The following EFCAB6 variants were observed in gnomAD, a reference collection of about 807,000 sequenced individuals.
EFCAB6 encodes the protein EF-hand calcium binding domain 6, also known as EF-hand calcium-binding domain-containing protein 6.
In EFCAB6, 156 loss-of-function variants were observed where a neutral mutation model predicts 169.8. The ratio of observed to expected loss-of-function variants is 0.92; its 90% CI spans 0.81 to 1.05. EFCAB6 has a LOEUF of 1.05. Ranked by LOEUF, EFCAB6 falls within the 50% of genes least tolerant of loss-of-function variation. The probability of loss-of-function intolerance (pLI) is 0.00; values close to 1 mark genes in which losing one functional copy is unlikely to be tolerated. For missense variants in EFCAB6, 1,800 were observed against 1,829.1 expected, an observed-to-expected ratio of 0.98 and a Z score of 0.29; for synonymous variants, 698 against 676.4, an observed-to-expected ratio of 1.03 and a Z score of -0.50.
Position 43,704,579 on chromosome 22 carries a change from T to A in EFCAB6, c.1031+6896A>T, listed in dbSNP as rs111479479. On this transcript the variant is annotated intron_variant, in intron 10 of 31. Coordinates refer to ENST00000262726, the MANE Select transcript of EFCAB6 (RefSeq NM_022785.4). ...TAACAACTATAATTAGAATAAATTG[T>A]CAAGAAATATATAAGATTATGTAAA... Among the ~76,000 whole-genome samples the A allele has an allele frequency of 1.8e-3, 271 of 152,228 alleles. 1 individual carries two copies. Among genetic ancestry groups the A allele is most frequent in the African/African-American group, 6.1e-3 (254 of 41,546 alleles).
intron 31 of EFCAB6, chr22:43,530,502 G>GAGC (rs1474939118): frequency 3.1e-6 from 3 of 978,306 alleles, no homozygotes; most frequent in Admixed American, 6.2e-5. Flanking sequence ...AGAGGGCTCG[G>GAGC]AGCAGCAGCA....
chr22:43,530,626 C>T (rs2046999225), intron 31 of EFCAB6, 189 bp downstream of exon 31: 3 of 985,278 alleles, frequency 3.0e-6, no homozygotes, highest in African/African-American at 1.7e-5. Context: ...AAGGAGAACC[C>T]GGGGTCTGAA....
At chr22:43,623,643 C>T (rs1051898539) in intron 20 of EFCAB6, among the ~76,000 whole-genome samples, 1 of 150,758 alleles carries the variant, frequency 6.6e-6, no homozygotes, top group African/African-American at 2.4e-5. Context: ...CGCCTGTAAT[C>T]CCAGCACTTT....
intron 15 of EFCAB6, 127 bp from the exon 16 acceptor site, chr22:43,669,172 A>T: frequency 1.3e-6 from 1 of 778,094 alleles, no homozygotes. Context: ...GGAATGTAAA[A>T]TGGTACAACC....
intron 26 of EFCAB6, among the ~76,000 whole-genome samples, chr22:43,571,624 C>G (rs967163478): frequency 2.0e-5 from 3 of 152,144 alleles, no homozygotes; most frequent in Non-Finnish European, 4.4e-5. Context: ...CTGGCTCGCT[C>G]GCTCAGGAGT....
intron 26 of EFCAB6, among the ~76,000 whole-genome samples, chr22:43,557,073 G>A (rs73172037): frequency 1.3e-5 from 2 of 152,244 alleles, no homozygotes; most frequent in African/African-American, 2.4e-5. Flanking sequence ...AGGGCCTCAC[G>A]TAAACATTAC....
At chr22:43,757,217 T>C (rs1189134194) in intron 5 of EFCAB6, among the ~76,000 whole-genome samples, 1 of 152,200 alleles carries the variant, frequency 6.6e-6, no homozygotes, top group Non-Finnish European at 1.5e-5. Context: ...AATAATATAT[T>C]CAATAGATAC....
chr22:43,623,622 G>A (rs970805606), intron 20 of EFCAB6, among the ~76,000 whole-genome samples: 16 of 151,176 alleles, frequency 1.1e-4, no homozygotes, highest in Middle Eastern at 3.5e-3. Flanking sequence ...CCGGCCAGGC[G>A]CGGTGGCTCA....
intron 2 of EFCAB6, among the ~76,000 whole-genome samples, chr22:43,800,004 G>A (rs1360018536): frequency 6.6e-6 from 1 of 152,196 alleles, no homozygotes; most frequent in African/African-American, 2.4e-5. Flanking sequence ...ACAAGTGCCT[G>A]AAGGGAGAAA....
chr22:43,624,255 A>AC (rs1050404585), intron 20 of EFCAB6, among the ~76,000 whole-genome samples: 2 of 151,946 alleles, frequency 1.3e-5, no homozygotes, highest in African/African-American at 4.8e-5. Context: ...GGTCCACCAG[A>AC]CCCCGGGGAC....
intron 20 of EFCAB6, among the ~76,000 whole-genome samples, chr22:43,624,448 CCA>C (rs1242239132): frequency 6.6e-6 from 1 of 152,172 alleles, no homozygotes; most frequent in Non-Finnish European, 1.5e-5. Context: ...GGCCTCCTCC[CCA>C]ACCAGGCCCA....
intron 19 of EFCAB6, among the ~76,000 whole-genome samples, chr22:43,630,325 T>C (rs1465192388): frequency 6.6e-6 from 1 of 152,216 alleles, no homozygotes; most frequent in African/African-American, 2.4e-5. Flanking sequence ...CACTAGTTGA[T>C]AAATTCTCTG....
At chr22:43,557,952 A>G (rs1008174303) in intron 26 of EFCAB6, among the ~76,000 whole-genome samples, 1 of 152,236 alleles carries the variant, frequency 6.6e-6, no homozygotes, top group African/African-American at 2.4e-5. Context: ...ATAAAATGGT[A>G]TAAAATAGAA....
intron 10 of EFCAB6, among the ~76,000 whole-genome samples, chr22:43,703,471 CCAAAATAAACTAA>C (rs568104002): frequency 1.5e-3 from 228 of 152,092 alleles, no homozygotes; most frequent in African/African-American, 5.4e-3. Context: ...CATGACACTT[CCAAAATAAACTAA>C]CAAAGCTCCA....
intron 1 of EFCAB6, among the ~76,000 whole-genome samples, chr22:43,811,553 G>C (rs974573478): frequency 3.9e-5 from 6 of 152,172 alleles, no homozygotes; most frequent in African/African-American, 1.4e-4. Context: ...CTCACAAAGT[G>C]CTTCCAAACA....
chr22:43,720,016 C>T (rs1008498050), intron 8 of EFCAB6, among the ~76,000 whole-genome samples: 10 of 152,042 alleles, frequency 6.6e-5, no homozygotes, highest in Non-Finnish European at 1.2e-4. Context: ...AGTGTTCTCA[C>T]CACACACAAA....
intron 7 of EFCAB6, among the ~76,000 whole-genome samples, chr22:43,733,207 T>C (rs1366227441): frequency 6.6e-6 from 1 of 152,024 alleles, no homozygotes; most frequent in East Asian, 1.9e-4. Flanking sequence ...GAAAATGAGG[T>C]GGTAAGTTTG....
At position 43,530,787 on chromosome 22, in the gene EFCAB6, G is replaced by A. The variant is rs374932960; in HGVS notation, c.4383+28C>T. 18 of 1,611,422 alleles carry A rather than the reference G, an allele frequency of 1.1e-5. No homozygotes were observed. The African/African-American group carries it at 2.3e-4, about 20-fold the overall frequency. ...TGGCATTTGGCAGCTGCTCCCTGCAGAGGCACTGGGCGCAGAGCTGTGCTC... is the reference window on the plus strand; with the variant it reads ...TGGCATTTGGCAGCTGCTCCCTGCAAAGGCACTGGGCGCAGAGCTGTGCTC... On this transcript the variant is annotated intron_variant, in intron 31 of 31. Coordinates refer to ENST00000262726, the MANE Select transcript of EFCAB6 (RefSeq NM_022785.4).
At chr22:43,647,261 A>G (rs1048635198) in intron 17 of EFCAB6, among the ~76,000 whole-genome samples, 11 of 152,250 alleles carry the variant, frequency 7.2e-5, no homozygotes, top group African/African-American at 2.7e-4. Context: ...ATTTAGGGAA[A>G]AAAAAGGACA....
Sources: allele counts gnomAD v4.1 joint callset (sites outside exome capture counted in the v4.1 genomes callset), GRCh38; gene constraint gnomAD v4.1.1; transcripts MANE v1.5; gene names NCBI Gene and HGNC (gene_info 2026-07-23, HGNC 2026-07-21).